The following CPEB3 variants were observed in gnomAD, a reference collection of about 807,000 sequenced individuals.
CPEB3 encodes cytoplasmic polyadenylation element binding protein 3, also known as cytoplasmic polyadenylation element-binding protein 3.
Under a neutral mutation model 67.2 loss-of-function variants are expected in CPEB3, and 20 were observed. The ratio of observed to expected loss-of-function variants is 0.30; its 90% confidence interval spans 0.21 to 0.43. The LOEUF (loss-of-function observed/expected upper bound fraction) is 0.43. CPEB3 is among the 20% of genes least tolerant of loss of function. CPEB3 has a pLI of 1.00. For synonymous variants in CPEB3, 376 were observed against 393.1 expected (o/e 0.96, Z 0.51); for missense variants, 746 against 968.6 (o/e 0.77, Z 3.05).
intron 1 of CPEB3, among the ~76,000 whole-genome samples, chr10:92,277,686 T>G (rs1399261772): frequency 1.3e-5 from 2 of 151,652 alleles, no homozygotes; most frequent in African/African-American, 4.9e-5. Flanking sequence ...AGGTCAGGAG[T>G]TCGAGACCAG....
chr10:92,046,716 AGTT>A lies in CPEB3; in HGVS notation c.*5493_*5495del, dbSNP rs1366809733. ...GTACTTCATACAACTAGATTTAATA[AGTT>A]GTTATTACAGAAAAAAATGAAGTCC... On this transcript the variant is annotated 3_prime_UTR_variant, in exon 10 of 10. Transcript: ENST00000265997. 6.6e-6 allele frequency: 1 copy of A among 152,250 alleles called. No homozygotes were observed. The highest frequency in any genetic ancestry group is 1.5e-5 in the Non-Finnish European group (1 of 68,054). The allele number at this position is 152,250 out of a possible 1,614,324, so 9.4% of individuals were successfully genotyped here.
At chr10:92,172,272 A>T (rs1341608140) in intron 4 of CPEB3, among the ~76,000 whole-genome samples, 1 of 152,198 alleles carries the variant, frequency 6.6e-6, no homozygotes, top group African/African-American at 2.4e-5. Context: ...TTTCTACTAT[A>T]TTCAGCTGAA....
Position 92,121,911 on chromosome 10 carries a change from T to C in CPEB3, c.1454-10717A>G, listed in dbSNP as rs188621709. Among the ~76,000 whole-genome samples, 406 of 152,330 alleles carry C rather than the reference T, an allele frequency of 2.7e-3. 1 individual carries two copies. The highest frequency in any genetic ancestry group is 5.0e-3 in the Non-Finnish European group (340 of 68,026). On this transcript the variant is annotated intron_variant, in intron 6 of 9. Coordinates refer to ENST00000265997, the MANE Select transcript of CPEB3 (RefSeq NM_014912.5). ...GAGCTGCCTGAGTTCAGACTTTTTT[T>C]GGTACAGGCAGTCTGTCCCAAACAT...
chr10:92,227,882 C>A (rs1038958870), intron 2 of CPEB3, among the ~76,000 whole-genome samples: 12 of 150,920 alleles, frequency 8.0e-5, no homozygotes, highest in Non-Finnish European at 1.3e-4. Flanking sequence ...TGAGCCACCG[C>A]GCCCGGCCTA....
In CPEB3 at chr10:92,270,058, T is replaced by C. The variant is rs539752059; in HGVS notation, c.-12+20868A>G. ...GGGGGTGGGGGGGAAGGTAAGAGGATGCTCATGGCATCCCTTGCATTAATT... is the reference window on the plus strand; with the variant it reads ...GGGGGTGGGGGGGAAGGTAAGAGGACGCTCATGGCATCCCTTGCATTAATT... On this transcript the variant is annotated intron_variant, in intron 1 of 9. Coordinates refer to ENST00000265997, the MANE Select transcript of CPEB3 (RefSeq NM_014912.5). Among the ~76,000 whole-genome samples the C allele has an allele frequency of 3.3e-5, 5 of 152,240 alleles. No individual in the cohort carries two copies. The East Asian group carries it at 9.6e-4, about 29-fold the overall frequency.
At chr10:92,210,173 T>C (rs979319533) in intron 2 of CPEB3, among the ~76,000 whole-genome samples, 1 of 152,172 alleles carries the variant, frequency 6.6e-6, no homozygotes, top group Non-Finnish European at 1.5e-5. Context: ...CACAGCACAC[T>C]GTAAGCACTC....
Position 92,192,653 on chromosome 10 carries a change from A to C in CPEB3, c.1006-17T>G. On this transcript the variant is annotated splice_polypyrimidine_tract_variant and intron_variant, in intron 2 of 9. Coordinates refer to ENST00000265997, the MANE Select transcript of CPEB3 (RefSeq NM_014912.5). ...ACTCCGGTCCTAAGAATAAAAACAA[A>C]AACAAGACAATACATAAAATTACTT... The C allele has an allele frequency of 6.4e-7, 1 of 1,560,184 alleles. No homozygotes were observed. The highest frequency in any genetic ancestry group is 8.7e-7 in the Non-Finnish European group (1 of 1,150,792).
chr10:92,060,875 A>G (rs1381593685), intron 9 of CPEB3, among the ~76,000 whole-genome samples: 1 of 152,206 alleles, frequency 6.6e-6, no homozygotes, highest in Non-Finnish European at 1.5e-5. Flanking sequence ...AAATGCTGGT[A>G]AGGATGTAGA....
At chr10:92,124,722 G>A (rs572911619) in intron 6 of CPEB3, among the ~76,000 whole-genome samples, 28 of 152,218 alleles carry the variant, frequency 1.8e-4, no homozygotes, top group South Asian at 6.2e-4. Context: ...TAACTCAGAA[G>A]GTGGAAAAAC....
chr10:92,209,091 A>C (rs1849940676), intron 2 of CPEB3, among the ~76,000 whole-genome samples: 1 of 152,208 alleles, frequency 6.6e-6, no homozygotes, highest in Non-Finnish European at 1.5e-5. Context: ...ATGTTGAACA[A>C]GTGAAGAAAG....
intron 1 of CPEB3, among the ~76,000 whole-genome samples, chr10:92,280,676 A>C (rs1445098663): frequency 1.3e-5 from 2 of 149,638 alleles, no homozygotes; most frequent in African/African-American, 2.4e-5. Flanking sequence ...AAAAAACCAA[A>C]CAAACAAAAA....
rs139994603 is a variant in CPEB3, at chr10:92,146,899, C to T, written c.1223-1814G>A. On this transcript the variant is annotated intron_variant, in intron 4 of 9. Coordinates refer to ENST00000265997, the MANE Select transcript of CPEB3 (RefSeq NM_014912.5). Reference sequence around the variant, plus strand: ...AGAGCTTTCCAAAGACATCCAGTGACGTTCTCCTAGAGCTGACAGGTTTGC... The same window carrying T: ...AGAGCTTTCCAAAGACATCCAGTGATGTTCTCCTAGAGCTGACAGGTTTGC... Among the ~76,000 whole-genome samples, 299 of 152,278 alleles carry T rather than the reference C, an allele frequency of 2.0e-3. 1 individual carries two copies. The highest frequency in any genetic ancestry group is 7.0e-3 in the African/African-American group (290 of 41,558).
chr10:92,093,256 C>T (rs1201962336), intron 7 of CPEB3, among the ~76,000 whole-genome samples: 2 of 152,102 alleles, frequency 1.3e-5, no homozygotes, highest in East Asian at 3.8e-4. Flanking sequence ...CTCCCCTCCA[C>T]CAATGAATGA....
At chr10:92,121,293 CCA>C (rs1845364472) in intron 6 of CPEB3, among the ~76,000 whole-genome samples, 2 of 150,658 alleles carry the variant, frequency 1.3e-5, no homozygotes, top group Non-Finnish European at 3.0e-5. Flanking sequence ...CAGGCGTGAG[CCA>C]CCACGCCCGG....
chr10:92,242,063 C>T (rs1027399075), intron 1 of CPEB3, among the ~76,000 whole-genome samples: 1 of 152,110 alleles, frequency 6.6e-6, no homozygotes, highest in Non-Finnish European at 1.5e-5. Context: ...AACTATTATG[C>T]AAAATATATC....
At chr10:92,182,509 T>C (rs1364923045) in intron 3 of CPEB3, among the ~76,000 whole-genome samples, 1 of 152,044 alleles carries the variant, frequency 6.6e-6, no homozygotes, top group Non-Finnish European at 1.5e-5. Context: ...CTACGATAAT[T>C]TGTAAAAGGT....
chr10:92,260,427 T>C (rs1321910495), intron 1 of CPEB3, among the ~76,000 whole-genome samples: 4 of 151,626 alleles, frequency 2.6e-5, no homozygotes, highest in African/African-American at 9.7e-5. Flanking sequence ...GGCATGCGCC[T>C]GTAATCCCAG....
At chr10:92,118,597 G>T in intron 6 of CPEB3, 1 of 381,402 alleles carries the variant, frequency 2.6e-6, no homozygotes. Flanking sequence ...AAAAGCCTAG[G>T]GAACTGTCTA....
chr10:92,166,362 A>G (rs190268629), intron 4 of CPEB3, among the ~76,000 whole-genome samples: 5 of 151,166 alleles, frequency 3.3e-5, no homozygotes, highest in African/African-American at 4.9e-5. Flanking sequence ...ACCCTCCTCG[A>G]CCTCCCAAAG....
Sources: gnomAD v4.1 joint callset for allele counts (sites outside exome capture counted in the v4.1 genomes callset) on GRCh38, gnomAD v4.1.1 for gene constraint, MANE v1.5 for transcripts, NCBI Gene and HGNC (gene_info 2026-07-23, HGNC 2026-07-21) for gene names.